The following DSCAM variants were observed in gnomAD, a reference collection of about 807,000 sequenced individuals.
DSCAM encodes the protein cell adhesion molecule DSCAM.
A neutral mutation model predicts 217.7 loss-of-function variants in DSCAM; 47 were observed. That is an observed-to-expected ratio of 0.22 (90% CI 0.17 to 0.28). The LOEUF (loss-of-function observed/expected upper bound fraction) is 0.28. Ranked by LOEUF, DSCAM falls within the 10% of genes least tolerant of loss-of-function variation. DSCAM has a pLI of 1.00. For synonymous variants in DSCAM, 1,056 were observed against 1,015.3 expected (o/e 1.04, Z -0.76); for missense variants, 2,080 against 2,618.3 (o/e 0.79, Z 4.49).
intron 1 of DSCAM, among the ~76,000 whole-genome samples, chr21:40,815,574 T>C (rs957065414): frequency 1.4e-4 from 21 of 152,236 alleles, no homozygotes; most frequent in African/African-American, 4.1e-4. Context: ...GTTTTCCAGA[T>C]GAAATGCTGA....
intron 1 of DSCAM, among the ~76,000 whole-genome samples, chr21:40,829,767 C>T (rs948938706): frequency 2.0e-5 from 3 of 152,204 alleles, no homozygotes; most frequent in South Asian, 2.1e-4. Context: ...ACATGCTGCA[C>T]GTTGGGAAGT....
Position 40,846,608 on chromosome 21 carries a change from G to GA in DSCAM, c.43+10dup, listed in dbSNP as rs1569066111. The GA allele has an allele frequency of 2.3e-6, 3 of 1,293,994 alleles. No homozygotes were observed. The highest frequency in any genetic ancestry group is 2.9e-6 in the Non-Finnish European group (3 of 1,018,172). 80.2% of individuals were successfully genotyped at this position (1,293,994 alleles called of 1,614,324 possible). On this transcript the variant is annotated intron_variant, in intron 1 of 32. Transcript: ENST00000400454. ...AAGGAAACGAAATTCATCACAAACC[G>GA]AAAGGCTCACCATTCGCGAAGCTCT...
At chr21:40,593,493 T>C (rs900730502) in intron 3 of DSCAM, among the ~76,000 whole-genome samples, 1 of 151,928 alleles carries the variant, frequency 6.6e-6, no homozygotes, top group African/African-American at 2.4e-5. Flanking sequence ...AACTGGTTAG[T>C]TTTCTTTGTA....
rs901313454 is a variant in DSCAM at position 40,475,417 on chromosome 21, C to A, written c.509-106172G>T. Among the ~76,000 whole-genome samples the A allele has an allele frequency of 2.2e-4, 33 of 152,170 alleles. 1 individual carries two copies. The highest frequency in any genetic ancestry group is 1.8e-3 in the Admixed American group (28 of 15,274). ...CTTCTCCTAGAACTGGACTGGGGCC[C>A]CCTTCGTCATGATTGTAGATTAGAG... On this transcript the variant is annotated intron_variant, in intron 3 of 32. Transcript: ENST00000400454.
intron 1 of DSCAM, among the ~76,000 whole-genome samples, chr21:40,796,313 A>C (rs909037959): frequency 6.6e-6 from 1 of 152,236 alleles, no homozygotes; most frequent in Admixed American, 6.5e-5. Context: ...CCAAAAGATG[A>C]GGGTAAAATG....
chr21:40,376,640 A>ATCTATATCTATATATCT (rs2074963763), intron 3 of DSCAM, among the ~76,000 whole-genome samples: 20 of 53,902 alleles, frequency 3.7e-4, no homozygotes, highest in Middle Eastern at 8.1e-3. Flanking sequence ...TATATCTTAT[A>ATCTATATCTATATATCT]TAGATATCGA....
At chr21:40,320,762 C>T (rs2074250429) in intron 8 of DSCAM, among the ~76,000 whole-genome samples, 1 of 152,154 alleles carries the variant, frequency 6.6e-6, no homozygotes, top group Non-Finnish European at 1.5e-5. Flanking sequence ...TTATTCACTA[C>T]CACGAGAACA....
At chr21:40,774,568 G>T (rs1161402732) in intron 1 of DSCAM, among the ~76,000 whole-genome samples, 9 of 152,174 alleles carry the variant, frequency 5.9e-5, no homozygotes, top group Admixed American at 5.9e-4. Flanking sequence ...TCTTATTCCA[G>T]TTCATCTAAA....
At chr21:40,161,158 T>C (rs1283981158) in intron 16 of DSCAM, among the ~76,000 whole-genome samples, 1 of 152,146 alleles carries the variant, frequency 6.6e-6, no homozygotes, top group African/African-American at 2.4e-5. Flanking sequence ...GCCTGCTTAG[T>C]TGAGGAGACC....
intron 28 of DSCAM, among the ~76,000 whole-genome samples, chr21:40,056,749 A>T (rs74826511): frequency 1.2e-4 from 19 of 152,188 alleles, no homozygotes; most frequent in African/African-American, 4.6e-4. Flanking sequence ...GCATCCATCA[A>T]TCCAGCTCAA....
At chr21:40,106,980 C>A (rs980693676) in intron 20 of DSCAM, among the ~76,000 whole-genome samples, 1 of 151,488 alleles carries the variant, frequency 6.6e-6, no homozygotes, top group African/African-American at 2.4e-5. Flanking sequence ...TTCTGTTCAG[C>A]TCTGATTTTG....
chr21:40,017,563 CAT>C (rs2088181296), intron 32 of DSCAM, among the ~76,000 whole-genome samples: 1 of 95,476 alleles, frequency 1.0e-5, no homozygotes, highest in African/African-American at 4.8e-5. Context: ...TGGGCCATAA[CAT>C]TTTTTTTTTT....
intron 15 of DSCAM, among the ~76,000 whole-genome samples, chr21:40,178,689 T>C (rs1400974193): frequency 6.6e-6 from 1 of 152,192 alleles, no homozygotes; most frequent in African/African-American, 2.4e-5. Context: ...CTCATACGTC[T>C]TTCTTTTAAG....
Position 40,042,392 on chromosome 21 carries a change from C to T in DSCAM, c.5665G>A (p.Val1889Ile), listed in dbSNP as rs760120390. ...CTACCTGGCCGATGTGCCTTTGGAA[C>T]TGCCATATTCATTACTCTTCCTCCA... ...QDGGRVMNMA[V>I]PKAHRPGDLI... The change falls in exon 32 of 33, where the codon GTT becomes ATT. Residue 1889 changes from valine (V) to isoleucine (I), a missense_variant. Physicochemically the swap from Val to Ile is conservative, Grantham distance 29. Around this residue, in one of 5 missense-constraint regions of DSCAM, gnomAD observed 1,144 missense variants for 1,421.1 expected, o/e 0.81. Coordinates refer to ENST00000400454, the MANE Select transcript of DSCAM (RefSeq NM_001389.5). 2 of 1,613,958 alleles carry T rather than the reference C, an allele frequency of 1.2e-6. No homozygotes were observed. The highest frequency in any genetic ancestry group is 2.2e-5 in the East Asian group (1 of 44,876).
chr21:40,249,265 G>A (rs2073269824), intron 11 of DSCAM, among the ~76,000 whole-genome samples: 1 of 152,176 alleles, frequency 6.6e-6, no homozygotes, highest in African/African-American at 2.4e-5. Flanking sequence ...TAATTCCCAT[G>A]TGTTGTGGGA....
chr21:40,286,841 GATCTGCAGGT>G (rs917134043), intron 10 of DSCAM, among the ~76,000 whole-genome samples: 6 of 1,796 alleles, frequency 3.3e-3, no homozygotes, highest in African/African-American at 0.011. Flanking sequence ...TCTGCAGTAT[GATCTGCAGGT>G]ATCTGCAGTG....
intron 3 of DSCAM, among the ~76,000 whole-genome samples, chr21:40,376,000 T>A (rs1326336085): frequency 6.6e-6 from 1 of 152,190 alleles, no homozygotes; most frequent in Non-Finnish European, 1.5e-5. Context: ...GTTAAGCTGT[T>A]AGATCTTCAG....
At chr21:40,790,180 CTTTTT>C (rs771986567) in intron 1 of DSCAM, among the ~76,000 whole-genome samples, 1 of 125,398 alleles carries the variant, frequency 8.0e-6, no homozygotes. Flanking sequence ...TTCTTTCTTT[CTTTTT>C]TTTTTTTTTT....
intron 11 of DSCAM, among the ~76,000 whole-genome samples, chr21:40,217,135 A>G (rs1172851260): frequency 1.3e-5 from 2 of 152,202 alleles, no homozygotes; most frequent in East Asian, 3.8e-4. Flanking sequence ...ATTATTTTAT[A>G]TTTGAAGTCT....
Sources: allele counts gnomAD v4.1 joint callset (sites outside exome capture counted in the v4.1 genomes callset), GRCh38; gene constraint gnomAD v4.1.1; regional missense constraint gnomAD v4.1.1; transcripts MANE v1.5; gene names NCBI Gene and HGNC (gene_info 2026-07-23, HGNC 2026-07-21).